Variants in ALDH3A2 observed in about 807,000 individuals in gnomAD.
ALDH3A2 encodes aldehyde dehydrogenase 3 family member A2, also known as aldehyde dehydrogenase family 3 member A2.
A neutral mutation model predicts 51.3 loss-of-function variants in ALDH3A2; 36 were observed. The ratio of observed to expected loss-of-function variants is 0.70; its 90% CI spans 0.54 to 0.93. The LOEUF (loss-of-function observed/expected upper bound fraction) is 0.93, where lower values mean the gene tolerates loss of function less well. ALDH3A2 is among the 40% of genes least tolerant of loss of function. The pLI, the probability that ALDH3A2 is intolerant of heterozygous loss-of-function variation, is 0.00. For synonymous variants in ALDH3A2, 199 were observed against 219.8 expected, an observed-to-expected ratio of 0.91 and a Z score of 0.84; for missense variants, 552 against 603.1, an observed-to-expected ratio of 0.92 and a Z score of 0.89.
chr17:19,667,177 T>C (rs1420678590), intron 8 of ALDH3A2, among the ~76,000 whole-genome samples: 1 of 152,210 alleles, frequency 6.6e-6, no homozygotes, highest in Non-Finnish European at 1.5e-5. Context: ...TATCATACTA[T>C]ATATTGTTCT....
At chr17:19,670,188 A>G (rs1215043324) in intron 8 of ALDH3A2, among the ~76,000 whole-genome samples, 4 of 152,162 alleles carry the variant, frequency 2.6e-5, no homozygotes, top group African/African-American at 9.7e-5. Flanking sequence ...TACTTAAAAC[A>G]AACAAACAAA....
At chr17:19,675,352 GT>G in intron 9 of ALDH3A2, 2 of 612,970 alleles carry the variant, frequency 3.3e-6, no homozygotes, top group East Asian at 5.5e-5. Context: ...TGTTATTGTT[GT>G]TTTTTGAGGA....
intron 2 of ALDH3A2, 144 bp from the exon 3 acceptor site, chr17:19,652,403 C>T (rs2084827886): frequency 3.0e-6 from 2 of 668,128 alleles, no homozygotes; most frequent in Non-Finnish European, 5.3e-6. Flanking sequence ...GAGATGAGCT[C>T]TTATGCTAAT....
At chr17:19,653,829 C>T (rs1442225994) in intron 3 of ALDH3A2, among the ~76,000 whole-genome samples, 1 of 152,216 alleles carries the variant, frequency 6.6e-6, no homozygotes, top group African/African-American at 2.4e-5. Flanking sequence ...TCTGGCCCCA[C>T]CCGCATCCTG....
At chr17:19,663,235 G>A (rs1471790689) in intron 6 of ALDH3A2, 98 bp from the exon 7 acceptor site, 2 of 1,402,812 alleles carry the variant, frequency 1.4e-6, no homozygotes, top group Non-Finnish European at 2.0e-6. Context: ...GGTGGGAGAG[G>A]GAAAGGCATG....
chr17:19,652,426 C>A, intron 2 of ALDH3A2, 121 bp from the exon 3 acceptor site: 1 of 742,090 alleles, frequency 1.3e-6, no homozygotes, highest in Non-Finnish European at 2.4e-6. Flanking sequence ...TGAGGATATG[C>A]AGCATTGAGA....
intron 5 of ALDH3A2, among the ~76,000 whole-genome samples, chr17:19,660,019 T>C (rs2084947053): frequency 6.6e-6 from 1 of 151,526 alleles, no homozygotes; most frequent in Non-Finnish European, 1.5e-5. Context: ...GAAGGGAGAG[T>C]TGCCCAGATT....
At chr17:19,648,360 G>A, upstream of ALDH3A2, 1 of 152,936 alleles carries the variant, frequency 6.5e-6, no homozygotes, top group Non-Finnish European at 1.5e-5. Context: ...CGTCCATCTG[G>A]CCATGTTTGA....
Position 19,677,565 on chromosome 17 carries a change from C to G in ALDH3A2, c.*1993C>G, listed in dbSNP as rs958936453. On this transcript the variant is annotated 3_prime_UTR_variant, in exon 10 of 10. Coordinates refer to ENST00000176643, the MANE Select transcript of ALDH3A2 (RefSeq NM_000382.3). Reference sequence around the variant, plus strand: ...ACAATCCTTTGATCATAAATTCTCCCCAACTATAAATCATTTTATGTCTTT... The same window carrying G: ...ACAATCCTTTGATCATAAATTCTCCGCAACTATAAATCATTTTATGTCTTT... 2 of 152,094 alleles carry G rather than the reference C, an allele frequency of 1.3e-5. No homozygotes were observed. The highest frequency in any genetic ancestry group is 1.3e-4 in the Admixed American group (2 of 15,274). The allele number at this position is 152,094 out of a possible 1,614,324, so 9.4% of individuals were successfully genotyped here.
At chr17:19,648,268 C>A (rs2084761470), upstream of ALDH3A2, 1 of 152,448 alleles carries the variant, frequency 6.6e-6, no homozygotes. Context: ...CTGGGACGGT[C>A]AGTGCCGGTC....
chr17:19,660,622 A>G (rs1026509338), intron 5 of ALDH3A2, among the ~76,000 whole-genome samples: 4 of 152,264 alleles, frequency 2.6e-5, no homozygotes, highest in Non-Finnish European at 5.9e-5. Flanking sequence ...ATACCAGTTC[A>G]AAGAAGACCA....
At chr17:19,651,453 T>A in intron 1 of ALDH3A2, 94 bp from the exon 2 acceptor site, 1 of 1,055,120 alleles carries the variant, frequency 9.5e-7, no homozygotes, top group Non-Finnish European at 1.5e-6. Flanking sequence ...CCAGTTGTTG[T>A]CACTACAGGT....
intron 5 of ALDH3A2, among the ~76,000 whole-genome samples, 183 bp downstream of exon 5, chr17:19,658,045 A>G (rs1158392196): frequency 6.6e-6 from 1 of 152,256 alleles, no homozygotes; most frequent in Non-Finnish European, 1.5e-5. Context: ...GCTGGGAGCA[A>G]GGTTGCATTG....
intron 9 of ALDH3A2, 98 bp downstream of exon 9, chr17:19,672,054 C>T: frequency 8.5e-7 from 1 of 1,182,502 alleles, no homozygotes; most frequent in Admixed American, 1.7e-5. Context: ...CTTGTAGAGT[C>T]TAAGACAGGG....
intron 9 of ALDH3A2, chr17:19,673,178 G>T: frequency 1.9e-6 from 3 of 1,614,176 alleles, no homozygotes; most frequent in Non-Finnish European, 2.5e-6. Context: ...GAGGAGAAAG[G>T]CCCTGTTGAT....
chr17:19,663,793 T>C (rs952403567), intron 7 of ALDH3A2, among the ~76,000 whole-genome samples: 3 of 152,000 alleles, frequency 2.0e-5, no homozygotes, highest in African/African-American at 4.8e-5. Context: ...GGAAGACTTA[T>C]ATGTGCCAGC....
intron 3 of ALDH3A2, among the ~76,000 whole-genome samples, chr17:19,653,905 C>T (rs1013074359): frequency 6.6e-6 from 1 of 152,206 alleles, no homozygotes; most frequent in African/African-American, 2.4e-5. Context: ...GGTGCGTTTA[C>T]AATCCCTGAG....
At chr17:19,658,690 G>A (rs2152329113) in intron 5 of ALDH3A2, among the ~76,000 whole-genome samples, 1 of 151,326 alleles carries the variant, frequency 6.6e-6, no homozygotes, top group Non-Finnish European at 1.5e-5. Context: ...AAAGGTTGCA[G>A]TGAGCCAAGA....
intron 3 of ALDH3A2, among the ~76,000 whole-genome samples, chr17:19,653,620 T>C (rs2084849794): frequency 6.6e-6 from 1 of 152,100 alleles, no homozygotes; most frequent in Non-Finnish European, 1.5e-5. Flanking sequence ...CCCGGTGGGT[T>C]CGTGGTCTCG....
Sources: gnomAD v4.1 joint callset for allele counts (sites outside exome capture counted in the v4.1 genomes callset) on GRCh38, gnomAD v4.1.1 for gene constraint, MANE v1.5 for transcripts, NCBI Gene and HGNC (gene_info 2026-07-23, HGNC 2026-07-21) for gene names.